CSMD1: variants seen among roughly 807,000 people sequenced by gnomAD.
CSMD1 encodes the protein CUB and sushi domain-containing protein 1.
A neutral mutation model predicts 417.5 loss-of-function variants in CSMD1; 213 were observed. The observed-to-expected ratio is 0.51, with a 90% CI of 0.46 to 0.57. The LOEUF (loss-of-function observed/expected upper bound fraction) is 0.57, where lower values mean the gene tolerates loss of function less well. CSMD1 is among the 20% of genes least tolerant of loss of function. CSMD1 has a pLI of 0.00. For synonymous variants in CSMD1, 2,862 were observed against 1,736.8 expected (o/e 1.65, Z -16.11); for missense variants, 6,923 against 4,529.7 (o/e 1.53, Z -15.17).
chr8:3,398,261 C>A (rs564974915), intron 16 of CSMD1, among the ~76,000 whole-genome samples: 6 of 152,108 alleles, frequency 3.9e-5, no homozygotes, highest in South Asian at 2.1e-4. Flanking sequence ...AGAAACCCAA[C>A]GTAATCAACT....
chr8:4,287,492 T>A (rs1301861905), intron 3 of CSMD1, among the ~76,000 whole-genome samples: 1 of 152,070 alleles, frequency 6.6e-6, no homozygotes, highest in Admixed American at 6.6e-5. Context: ...TACTTTACAT[T>A]CTAAGACTTA....
At chr8:3,949,139 G>A (rs1217491322) in intron 5 of CSMD1, among the ~76,000 whole-genome samples, 1 of 152,116 alleles carries the variant, frequency 6.6e-6, no homozygotes, top group Non-Finnish European at 1.5e-5. Context: ...TGGATGCATT[G>A]TGGAATGGCT....
At chr8:3,041,876 G>C (rs532528011) in intron 50 of CSMD1, among the ~76,000 whole-genome samples, 75 of 152,328 alleles carry the variant, frequency 4.9e-4, no homozygotes, top group African/African-American at 1.7e-3. Context: ...AAGCAGTACA[G>C]TACAATCACG....
At chr8:3,878,257 A>G (rs1004716699) in intron 5 of CSMD1, among the ~76,000 whole-genome samples, 1 of 152,192 alleles carries the variant, frequency 6.6e-6, no homozygotes, top group African/African-American at 2.4e-5. Context: ...TAGATTATAT[A>G]CAATTTCCAG....
At chr8:3,084,097 T>G (rs1444444477) in intron 49 of CSMD1, among the ~76,000 whole-genome samples, 2 of 152,112 alleles carry the variant, frequency 1.3e-5, no homozygotes, top group Non-Finnish European at 1.5e-5. Context: ...GGGAGAAGGT[T>G]TCTAGCATAA....
intron 41 of CSMD1, among the ~76,000 whole-genome samples, chr8:3,133,378 A>G (rs1294658875): frequency 6.6e-6 from 1 of 151,998 alleles, no homozygotes; most frequent in East Asian, 1.9e-4. Context: ...CCCCTTTACA[A>G]TCGTCCTCAG....
chr8:4,448,780 T>C (rs1208256215), intron 2 of CSMD1, among the ~76,000 whole-genome samples: 2 of 152,196 alleles, frequency 1.3e-5, no homozygotes, highest in African/African-American at 2.4e-5. Flanking sequence ...AGGCTTTAAA[T>C]GATGTCATCT....
intron 3 of CSMD1, among the ~76,000 whole-genome samples, chr8:4,387,442 T>C (rs1803524688): frequency 1.3e-5 from 2 of 151,388 alleles, no homozygotes; most frequent in Admixed American, 6.6e-5. Context: ...TGTCAAGATA[T>C]GCTTGGTCTC....
intron 41 of CSMD1, among the ~76,000 whole-genome samples, chr8:3,139,720 G>A (rs971125534): frequency 1.3e-5 from 2 of 152,024 alleles, no homozygotes; most frequent in Non-Finnish European, 2.9e-5. Context: ...TGTGTGTGTC[G>A]ATGTGTGAGA....
chr8:3,657,246 A>G (rs1798176332), intron 7 of CSMD1, among the ~76,000 whole-genome samples: 1 of 152,232 alleles, frequency 6.6e-6, no homozygotes, highest in East Asian at 1.9e-4. Context: ...ATACAAAAGC[A>G]GCAGCATTTC....
intron 2 of CSMD1, among the ~76,000 whole-genome samples, chr8:4,538,846 T>C (rs1355239716): frequency 6.6e-6 from 1 of 152,152 alleles, no homozygotes; most frequent in Non-Finnish European, 1.5e-5. Flanking sequence ...GGTGAGAAGG[T>C]AAAACTGATT....
chr8:4,630,752 G>T (rs1484558208), intron 2 of CSMD1, among the ~76,000 whole-genome samples: 1 of 152,210 alleles, frequency 6.6e-6, no homozygotes, highest in East Asian at 1.9e-4. Flanking sequence ...GTTGAACCAG[G>T]TTTCTAAGCA....
intron 5 of CSMD1, among the ~76,000 whole-genome samples, chr8:3,925,117 G>A (rs890663565): frequency 6.6e-6 from 1 of 152,178 alleles, no homozygotes; most frequent in Non-Finnish European, 1.5e-5. Flanking sequence ...TCAGTAAAGA[G>A]AGCCTGAGGC....
At chr8:3,127,936 G>GGAAGGA (rs1563069428) in intron 41 of CSMD1, 5 of 108,678 alleles carry the variant, frequency 4.6e-5, no homozygotes, top group African/African-American at 1.9e-4. Flanking sequence ...GGAAGGAAGG[G>GGAAGGA]AAGGAAAGAA....
At chr8:3,414,474 C>T (rs529675399) in intron 12 of CSMD1, among the ~76,000 whole-genome samples, 1 of 152,158 alleles carries the variant, frequency 6.6e-6, no homozygotes, top group Non-Finnish European at 1.5e-5. Context: ...TCACCCCTCA[C>T]TGTCTATCAT....
intron 10 of CSMD1, among the ~76,000 whole-genome samples, chr8:3,496,512 C>G (rs560928436): frequency 6.6e-6 from 1 of 152,092 alleles, no homozygotes; most frequent in African/African-American, 2.4e-5. Context: ...TATAAACTAC[C>G]CTCTTAGCAC....
chr8:3,188,902 C>T lies in CSMD1; in HGVS notation c.5508G>A (p.Glu1836=). The change falls in exon 35 of 70, where the codon GAG becomes GAA. Residue 1836 remains glutamate (E), a synonymous_variant. Transcript: ENST00000635120. ...LNCIWKIIVT[E]GSGIQIQVIS... ...AAGGACTCACCTGAATTCCCGAGCC[C>T]TCCGTAACTATGATCTTCCATATAC... is the stretch of plus-strand genomic sequence containing the variant. 1 of 1,581,110 alleles carries T rather than the reference C, an allele frequency of 6.3e-7. No individual in the cohort carries two copies. The highest frequency in any genetic ancestry group is 1.3e-5 in the African/African-American group (1 of 74,386).
intron 10 of CSMD1, among the ~76,000 whole-genome samples, chr8:3,537,944 G>A (rs536476462): frequency 1.3e-5 from 2 of 152,252 alleles, no homozygotes; most frequent in African/African-American, 4.8e-5. Flanking sequence ...TCCTATTAAA[G>A]TTGTTTATTC....
At chr8:4,041,051 C>A (rs1247084674) in intron 3 of CSMD1, among the ~76,000 whole-genome samples, 1 of 126,758 alleles carries the variant, frequency 7.9e-6, no homozygotes, top group Non-Finnish European at 1.6e-5. Context: ...GAGTCTCGCT[C>A]TGTCGCCCAG....
Sources: gnomAD v4.1 joint callset for allele counts (sites outside exome capture counted in the v4.1 genomes callset) on GRCh38, gnomAD v4.1.1 for gene constraint, MANE v1.5 for transcripts, NCBI Gene and HGNC (gene_info 2026-07-23, HGNC 2026-07-21) for gene names.